FOXP1: variants seen among roughly 807,000 people sequenced by gnomAD.
FOXP1 encodes the protein forkhead box protein P1.
In FOXP1, 15 loss-of-function variants were observed where a neutral mutation model predicts 98.2. That is an observed-to-expected ratio of 0.15 (90% confidence interval 0.10 to 0.24). FOXP1 has a LOEUF of 0.24. Ranked by LOEUF, FOXP1 falls within the 10% of genes least tolerant of loss-of-function variation. The pLI, the probability that FOXP1 is intolerant of heterozygous loss-of-function variation, is 1.00. For synonymous variants in FOXP1, 371 were observed against 314.5 expected (o/e 1.18, Z -1.90); for missense variants, 633 against 848.5 (o/e 0.75, Z 3.15).
intron 3 of FOXP1, among the ~76,000 whole-genome samples, chr3:71,387,933 C>T (rs530602613): frequency 6.6e-6 from 1 of 152,288 alleles, no homozygotes; most frequent in Admixed American, 6.5e-5. Flanking sequence ...CAATACCAAA[C>T]CAATGCCAGA....
chr3:71,243,070 T>G (rs999380978), intron 5 of FOXP1, among the ~76,000 whole-genome samples: 7 of 152,048 alleles, frequency 4.6e-5, no homozygotes, highest in Non-Finnish European at 8.8e-5. Flanking sequence ...AATTTGAATA[T>G]CTCCCCGTCT....
chr3:71,056,667 G>A (rs1195323277), intron 7 of FOXP1, among the ~76,000 whole-genome samples: 2 of 152,090 alleles, frequency 1.3e-5, no homozygotes, highest in Non-Finnish European at 2.9e-5. Context: ...TTAGCTCTGG[G>A]CCTCCAAAGT....
intron 2 of FOXP1, among the ~76,000 whole-genome samples, chr3:71,547,075 C>G (rs577517928): frequency 2.0e-5 from 3 of 152,278 alleles, no homozygotes; most frequent in Middle Eastern, 3.4e-3. Context: ...TCACTGCTGT[C>G]AGTTTTAGGA....
intron 3 of FOXP1, among the ~76,000 whole-genome samples, chr3:71,367,294 T>G (rs2078989238): frequency 1.3e-5 from 2 of 152,186 alleles, no homozygotes; most frequent in African/African-American, 4.8e-5. Context: ...GTGATCAGCA[T>G]TCATCAGTGT....
At chr3:71,094,127 A>T (rs1473118531) in intron 7 of FOXP1, among the ~76,000 whole-genome samples, 4 of 152,230 alleles carry the variant, frequency 2.6e-5, no homozygotes, top group Non-Finnish European at 5.9e-5. Context: ...TATTTTAGGC[A>T]CTGCAGGACG....
At chr3:71,075,215 A>G (rs1193511253) in intron 7 of FOXP1, among the ~76,000 whole-genome samples, 10 of 152,210 alleles carry the variant, frequency 6.6e-5, no homozygotes, top group Admixed American at 6.5e-4. Context: ...GCTAGTTTCT[A>G]TAGACTTCAG....
chr3:71,100,025 C>T (rs890120672), intron 7 of FOXP1, among the ~76,000 whole-genome samples: 1 of 152,214 alleles, frequency 6.6e-6, no homozygotes, highest in African/African-American at 2.4e-5. Flanking sequence ...GTCTATTAGA[C>T]TTCCCAGAGA....
intron 2 of FOXP1, among the ~76,000 whole-genome samples, chr3:71,535,626 G>A (rs1392574845): frequency 6.6e-6 from 1 of 152,172 alleles, no homozygotes; most frequent in Non-Finnish European, 1.5e-5. Flanking sequence ...TACTTGGGAG[G>A]CTGAGGTAGG....
intron 7 of FOXP1, among the ~76,000 whole-genome samples, chr3:71,054,110 G>C (rs1171462497): frequency 1.3e-5 from 2 of 152,194 alleles, no homozygotes; most frequent in African/African-American, 2.4e-5. Context: ...CCATCTGTGG[G>C]AAGTTAACCC....
intron 5 of FOXP1, among the ~76,000 whole-genome samples, chr3:71,271,340 G>T (rs1174245116): frequency 6.6e-6 from 1 of 152,182 alleles, no homozygotes; most frequent in Non-Finnish European, 1.5e-5. Flanking sequence ...ACTTCTTAAA[G>T]AATTAGTTTT....
intron 11 of FOXP1, among the ~76,000 whole-genome samples, chr3:71,030,947 T>C (rs2046787967): frequency 6.6e-6 from 1 of 152,228 alleles, no homozygotes; most frequent in Admixed American, 6.5e-5. Context: ...TTTCTATCAA[T>C]ATTTCAGACA....
intron 3 of FOXP1, among the ~76,000 whole-genome samples, chr3:71,429,970 C>T (rs1346197588): frequency 6.6e-6 from 1 of 152,222 alleles, no homozygotes; most frequent in Non-Finnish European, 1.5e-5. Flanking sequence ...TTCCAAGCTA[C>T]TTCTGCTCTA....
chr3:71,123,771 T>G lies in FOXP1; in HGVS notation c.181-11134A>C, dbSNP rs115313720. ...GCTATAAATACATTCTTCTTCTTCT[T>G]TTTTTGGTGGAGGTGGTATGGGTGC... On this transcript the variant is annotated intron_variant, in intron 6 of 20. Coordinates refer to ENST00000649528, the MANE Select transcript of FOXP1 (RefSeq NM_001349338.3). Among the ~76,000 whole-genome samples, 1,002 of 152,280 alleles carry G rather than the reference T, an allele frequency of 6.6e-3. 17 individuals carry two copies. The highest frequency in any genetic ancestry group is 0.023 in the African/African-American group (972 of 41,542).
At chr3:71,034,034 C>T (rs2047239731) in intron 11 of FOXP1, among the ~76,000 whole-genome samples, 1 of 152,112 alleles carries the variant, frequency 6.6e-6, no homozygotes, top group Non-Finnish European at 1.5e-5. Flanking sequence ...CACACCTGGT[C>T]CTCTTTCCGG....
chr3:71,451,893 A>C (rs918642187), intron 3 of FOXP1, among the ~76,000 whole-genome samples: 3 of 152,210 alleles, frequency 2.0e-5, no homozygotes, highest in African/African-American at 4.8e-5. Context: ...TAAAGCCCCA[A>C]ATAAAAATGT....
chr3:71,384,938 G>A (rs1412681995), intron 3 of FOXP1, among the ~76,000 whole-genome samples: 3 of 151,988 alleles, frequency 2.0e-5, no homozygotes, highest in Admixed American at 1.3e-4. Context: ...AAAAAGAAAC[G>A]GGCACTCTCT....
intron 3 of FOXP1, among the ~76,000 whole-genome samples, chr3:71,444,111 A>T (rs568295846): frequency 6.8e-4 from 104 of 152,330 alleles, no homozygotes; most frequent in Non-Finnish European, 1.0e-3. Flanking sequence ...ATCAACGTCA[A>T]TTGGCACTGG....
intron 6 of FOXP1, among the ~76,000 whole-genome samples, chr3:71,135,963 A>G (rs2059805578): frequency 6.6e-6 from 1 of 152,210 alleles, no homozygotes; most frequent in African/African-American, 2.4e-5. Context: ...ATCTTCCTTC[A>G]GACAGTTCCC....
chr3:71,539,265 C>A (rs2044590880), intron 2 of FOXP1, among the ~76,000 whole-genome samples: 1 of 145,004 alleles, frequency 6.9e-6, no homozygotes, highest in African/African-American at 2.6e-5. Context: ...GCACCTGCCA[C>A]CATGCCCAGC....
Sources: allele counts gnomAD v4.1 joint callset (sites outside exome capture counted in the v4.1 genomes callset), GRCh38; gene constraint gnomAD v4.1.1; transcripts MANE v1.5; gene names NCBI Gene and HGNC (gene_info 2026-07-23, HGNC 2026-07-21).